CMC2: variants seen among roughly 807,000 people sequenced by gnomAD.
CMC2 encodes COX assembly mitochondrial protein 2 homolog.
CMC2 carries 5 observed loss-of-function variants against 7.5 expected under a neutral mutation model. The observed-to-expected ratio is 0.66, with a 90% CI of 0.35 to 1.40. The LOEUF is 1.40. CMC2 is among the 40% of genes most tolerant of loss of function. The pLI, the probability that CMC2 is intolerant of heterozygous loss-of-function variation, is 0.04. For synonymous variants in CMC2, 37 were observed against 31.4 expected, an observed-to-expected ratio of 1.18 and a Z score of -0.60; for missense variants, 115 against 92.3, an observed-to-expected ratio of 1.25 and a Z score of -1.01.
At chr16:80,981,092 A>C (rs866934156) in intron 3 of CMC2, among the ~76,000 whole-genome samples, 1 of 151,264 alleles carries the variant, frequency 6.6e-6, no homozygotes, top group Non-Finnish European at 1.5e-5. Context: ...AAAAAAAAAA[A>C]AGTTCAAAAA....
intron 2 of CMC2, among the ~76,000 whole-genome samples, chr16:80,985,573 T>C (rs1287553647): frequency 6.6e-6 from 1 of 152,104 alleles, no homozygotes; most frequent in African/African-American, 2.4e-5. Context: ...ATCCAATAAA[T>C]ATTGTAGATA....
chr16:80,989,986 G>A (rs1253581101), intron 2 of CMC2, among the ~76,000 whole-genome samples: 1 of 152,082 alleles, frequency 6.6e-6, no homozygotes, highest in African/African-American at 2.4e-5. Flanking sequence ...ACTTGGGTTA[G>A]TTCATTTTTT....
intron 1 of CMC2, 30 bp downstream of exon 1, chr16:81,006,704 T>A: frequency 2.0e-6 from 2 of 984,874 alleles, no homozygotes; most frequent in Non-Finnish European, 2.4e-6. Flanking sequence ...ACGGAACGCG[T>A]TCGGAACGGC....
At position 80,968,819 on chromosome 16, in the gene CMC2, G is replaced by A. The variant is rs886155044; in HGVS notation, c.*7274C>T. 3 of 152,230 alleles carry A rather than the reference G, an allele frequency of 2.0e-5. No individual in the cohort carries two copies. Among genetic ancestry groups the A allele is most frequent in the East Asian group, 3.8e-4 (2 of 5,198 alleles). The allele number at this position is 152,230 out of a possible 1,614,324, so 9.4% of individuals were successfully genotyped here. ...CCAGAAAGTAAGTGCATCAGCACAT[G>A]CTATGCAGCCTAGACCAGTTCCAGG... On this transcript the variant is annotated 3_prime_UTR_variant, in exon 4 of 4. Coordinates refer to ENST00000219400, the MANE Select transcript of CMC2 (RefSeq NM_020188.5).
chr16:80,973,355 G>C lies in CMC2; in HGVS notation c.*2738C>G, dbSNP rs1360900365. The C allele has an allele frequency of 2.6e-5, 4 of 152,198 alleles. No individual in the cohort carries two copies. Among genetic ancestry groups the C allele is most frequent in the African/African-American group, 7.2e-5 (3 of 41,436 alleles). The allele number at this position is 152,198 out of a possible 1,614,324, so 9.4% of individuals were successfully genotyped here. A position where few individuals can be genotyped will look rare whatever the true frequency, so the allele number is the denominator to read the frequency against. On this transcript the variant is annotated 3_prime_UTR_variant, in exon 4 of 4. Transcript: ENST00000219400. The stretch of plus-strand genomic sequence containing the variant: ...TGCCTTCTACCAAACTACGGAGGAA[G>C]TGTTTCCAATACCCCAATTTGGGTG...
intron 2 of CMC2, among the ~76,000 whole-genome samples, chr16:80,986,599 A>C (rs1341986969): frequency 6.6e-6 from 1 of 152,246 alleles, no homozygotes; most frequent in East Asian, 1.9e-4. Context: ...CCCCAATAAA[A>C]GTGTTGCCAT....
At chr16:81,004,464 T>C (rs1182816294) in intron 1 of CMC2, among the ~76,000 whole-genome samples, 1 of 152,196 alleles carries the variant, frequency 6.6e-6, no homozygotes, top group Non-Finnish European at 1.5e-5. Flanking sequence ...AGTTTGTCAG[T>C]CTCATCTTTA....
chr16:80,977,998 G>T (rs1912633052), intron 3 of CMC2, among the ~76,000 whole-genome samples: 2 of 151,512 alleles, frequency 1.3e-5, no homozygotes, highest in African/African-American at 4.9e-5. Context: ...CTTGAATCCA[G>T]AAGGAGGAGG....
intron 2 of CMC2, among the ~76,000 whole-genome samples, chr16:80,993,184 T>C (rs1968143063): frequency 6.6e-6 from 1 of 152,174 alleles, no homozygotes; most frequent in Admixed American, 6.5e-5. Context: ...CTTCTAGCCA[T>C]GAAAGAACAA....
chr16:80,984,731 CAT>C (rs1967391717), intron 2 of CMC2, among the ~76,000 whole-genome samples: 1 of 152,148 alleles, frequency 6.6e-6, no homozygotes, highest in Admixed American at 6.6e-5. Flanking sequence ...GGCAATATTA[CAT>C]AGTTGACATT....
At chr16:81,002,457 T>G (rs1291418965) in intron 1 of CMC2, among the ~76,000 whole-genome samples, 1 of 152,148 alleles carries the variant, frequency 6.6e-6, no homozygotes, top group Non-Finnish European at 1.5e-5. Context: ...AGACACTGGT[T>G]TAATCACTAG....
intron 2 of CMC2, among the ~76,000 whole-genome samples, chr16:80,984,361 C>T (rs936250509): frequency 2.6e-5 from 4 of 152,186 alleles, no homozygotes; most frequent in Non-Finnish European, 5.9e-5. Flanking sequence ...TTAAGGCTTT[C>T]ATGGAAACCA....
chr16:80,997,314 AT>A lies in CMC2; in HGVS notation c.80del (p.Asn27IlefsTer5). ...LINLLKECHK[N>X]HNILKFFGYC... ...TACAGTCGTTTTTCTGAACTCTTAC[AT>A]TTTTGTGACATTCCTTAAGCAAGTT... On this transcript the variant is annotated frameshift_variant and splice_region_variant, in exon 2 of 4. Transcript: ENST00000219400. LOFTEE classifies it high-confidence loss of function. 4 of 1,551,210 alleles carry A rather than the reference AT, an allele frequency of 2.6e-6. 1 individual carries two copies. The South Asian group carries it at 3.3e-5, about 13-fold the overall frequency.
chr16:80,970,549 G>A lies in CMC2; in HGVS notation c.*5544C>T, dbSNP rs905725466. 1 of 152,160 alleles carries A rather than the reference G, an allele frequency of 6.6e-6. No individual in the cohort carries two copies. The highest frequency in any genetic ancestry group is 1.5e-5 in the Non-Finnish European group (1 of 68,026). The allele number at this position is 152,160 out of a possible 1,614,324, so 9.4% of individuals were successfully genotyped here. A position where few individuals can be genotyped will look rare whatever the true frequency, so the allele number is the denominator to read the frequency against. On this transcript the variant is annotated 3_prime_UTR_variant, in exon 4 of 4. Coordinates refer to ENST00000219400, the MANE Select transcript of CMC2 (RefSeq NM_020188.5). ...ACATCAGTCACAAGAGAAGTCTGAT[G>A]TATCTATTAAACATTATACTGAATG...
At chr16:80,999,996 G>T (rs1007390675) in intron 1 of CMC2, among the ~76,000 whole-genome samples, 1 of 152,108 alleles carries the variant, frequency 6.6e-6, no homozygotes, top group Non-Finnish European at 1.5e-5. Context: ...CTTCGGAAGA[G>T]AATTAGGACT....
At chr16:80,982,188 G>C (rs1967171041) in intron 2 of CMC2, 1 of 210,966 alleles carries the variant, frequency 4.7e-6, no homozygotes, top group Non-Finnish European at 9.4e-6. Flanking sequence ...TTAAGAGAAA[G>C]ATACGGCATA....
chr16:81,006,661 C>T, intron 1 of CMC2, 73 bp downstream of exon 1: 2 of 969,572 alleles, frequency 2.1e-6, no homozygotes, highest in Non-Finnish European at 2.5e-6. Flanking sequence ...AGGGGCTCGG[C>T]GGGACGCGCC....
At chr16:80,976,869 C>A (rs1316641758) in intron 3 of CMC2, among the ~76,000 whole-genome samples, 1 of 152,092 alleles carries the variant, frequency 6.6e-6, no homozygotes, top group African/African-American at 2.4e-5. Flanking sequence ...AACTGCTGCA[C>A]AGAACACAGC....
chr16:80,986,586 T>G (rs1450519284), intron 2 of CMC2, among the ~76,000 whole-genome samples: 5 of 152,088 alleles, frequency 3.3e-5, no homozygotes, highest in Non-Finnish European at 5.9e-5. Context: ...CCTTTACAGG[T>G]GGCCCCAATA....
Sources: allele counts gnomAD v4.1 joint callset (sites outside exome capture counted in the v4.1 genomes callset), GRCh38; gene constraint gnomAD v4.1.1; transcripts MANE v1.5; gene names NCBI Gene and HGNC (gene_info 2026-07-23, HGNC 2026-07-21).